Variants in FBN3 observed in about 807,000 individuals in gnomAD.
The protein encoded by FBN3 is fibrillin 3.
FBN3 carries 234 observed loss-of-function variants against 330.1 expected under a neutral mutation model. That is an observed-to-expected ratio of 0.71 (90% confidence interval 0.64 to 0.79). The LOEUF (loss-of-function observed/expected upper bound fraction) is 0.79, where lower values mean the gene tolerates loss of function less well. FBN3 is among the 30% of genes least tolerant of loss of function. The probability of loss-of-function intolerance (pLI) is 0.00; values close to 1 mark genes in which losing one functional copy is unlikely to be tolerated. For synonymous variants in FBN3, 1,458 were observed against 1,517.3 expected (o/e 0.96, Z 0.91); for missense variants, 3,606 against 3,886.9 (o/e 0.93, Z 1.92).
intron 6 of FBN3, among the ~76,000 whole-genome samples, chr19:8,143,213 C>T (rs570339555): frequency 4.6e-5 from 7 of 152,286 alleles, no homozygotes; most frequent in East Asian, 3.9e-4. Context: ...GGATCCTCAG[C>T]GGCACCCTGG....
chr19:8,080,079 T>G (rs945055554), intron 59 of FBN3, among the ~76,000 whole-genome samples: 1 of 152,246 alleles, frequency 6.6e-6, no homozygotes, highest in African/African-American at 2.4e-5. Flanking sequence ...GCCAATATAG[T>G]GCAAAAGCAG....
At chr19:8,082,360 T>C (rs2081814411) in intron 57 of FBN3, among the ~76,000 whole-genome samples, 1 of 121,000 alleles carries the variant, frequency 8.3e-6, no homozygotes, top group Non-Finnish European at 1.7e-5. Flanking sequence ...TCTCTCTCTC[T>C]TTCTTTTTTC....
At position 8,088,171 on chromosome 19, in the gene FBN3, C is replaced by T. The variant is rs770058274; in HGVS notation, c.6385G>A (p.Glu2129Lys). 5.6e-6 allele frequency: 9 copies of T among 1,599,994 alleles called. No individual in the cohort carries two copies. The highest frequency in any genetic ancestry group is 1.7e-5 in the Admixed American group (1 of 59,386). Reference protein sequence around the residue: ...FTGINCVDTDECSVGHPCGQG... With the variant: ...FTGINCVDTDKCSVGHPCGQG... Reference sequence around the variant, plus strand: ...CCACAGGGGTGGCCGACAGAGCACTCGTCTGTGTCTGGGTGGGAGTAAGGG... The same window carrying T: ...CCACAGGGGTGGCCGACAGAGCACTTGTCTGTGTCTGGGTGGGAGTAAGGG... Residue 2129 changes from glutamate to lysine, a missense_variant, in exon 52 of 64, where the codon GAG becomes AAG. Glu to Lys is a moderately conservative substitution (Grantham distance 56). Transcript: ENST00000600128.
intron 57 of FBN3, among the ~76,000 whole-genome samples, chr19:8,082,125 A>AT (rs565696938): frequency 1.8e-3 from 201 of 114,436 alleles, no homozygotes; most frequent in African/African-American, 5.0e-3. Context: ...CACCTGGCTA[A>AT]TTTTTTTTCT....
rs1054751749 is a variant in FBN3 at position 8,096,674 on chromosome 19, C to T, written c.5414-105G>A. The T allele has an allele frequency of 8.2e-6, 12 of 1,463,960 alleles. No individual in the cohort carries two copies. The highest frequency in any genetic ancestry group is 1.3e-5 in the South Asian group (1 of 76,410). 90.7% of individuals were successfully genotyped at this position (1,463,960 alleles called of 1,614,324 possible). A position where few individuals can be genotyped will look rare whatever the true frequency, so the allele number is the denominator to read the frequency against. The stretch of plus-strand genomic sequence containing the variant: ...CCAGAATCTGCCTTGAAGTTCCCCA[C>T]TCAAACTTCCACCAGGGGCGTCAGG... On this transcript the variant is annotated intron_variant, in intron 43 of 63. Coordinates refer to ENST00000600128, the MANE Select transcript of FBN3 (RefSeq NM_032447.5). The surrounding 1 kb of genome is among the most constrained non-coding windows in gnomAD (Gnocchi z 4.6).
In FBN3 at chr19:8,080,127, T is replaced by G. The variant is rs115270736; in HGVS notation, c.7453+876A>C. 2.2e-3 allele frequency among the ~76,000 whole-genome samples: 341 copies of G among 152,248 alleles called. 2 individuals carry two copies. The highest frequency in any genetic ancestry group is 7.4e-3 in the African/African-American group (306 of 41,526). ...GTAAGCAAGCGGGCTTGGCTGTGTG[T>G]CAATCAAACTTTATTAACAAAAGCA... On this transcript the variant is annotated intron_variant, in intron 59 of 63. Transcript: ENST00000600128.
chr19:8,079,611 TG>T (rs2081727115), intron 59 of FBN3, among the ~76,000 whole-genome samples: 1 of 151,958 alleles, frequency 6.6e-6, no homozygotes, highest in African/African-American at 2.4e-5. Flanking sequence ...TTTGTTTGTT[TG>T]TTTTCGAGAC....
At chr19:8,087,997 C>A in intron 52 of FBN3, 50 bp from the exon 53 acceptor site, 1 of 1,614,014 alleles carries the variant, frequency 6.2e-7, no homozygotes, top group South Asian at 1.1e-5. Context: ...AGGGCGGGAC[C>A]TCCACTCCCT....
intron 59 of FBN3, among the ~76,000 whole-genome samples, chr19:8,078,404 A>T (rs764013712): frequency 3.3e-5 from 5 of 152,172 alleles, no homozygotes; most frequent in South Asian, 2.1e-4. Flanking sequence ...AGCCCTTTGC[A>T]GAAAAAGTTT....
At position 8,131,807 on chromosome 19, in the gene FBN3, G is replaced by A. The variant is rs147188782; in HGVS notation, c.1737C>T (p.Pro579=). ...TACAGTGGCCGTTCACGCAGATGCC[G>A]GGCGTCTGGCACTCGTCAATGTCTG... is the stretch of plus-strand genomic sequence containing the variant. ...YCMDIDECQT[P]GICVNGHCTN... The change falls in exon 15 of 64, where the codon CCC becomes CCT. Residue 579 remains proline, a synonymous_variant. Transcript: ENST00000600128. This position sits in a 1 kb window ranked among gnomAD's most constrained non-coding sequence, Gnocchi z 4.5. 25 of 1,600,740 alleles carry A rather than the reference G, an allele frequency of 1.6e-5. No homozygotes were observed. Among genetic ancestry groups the A allele is most frequent in the African/African-American group, 1.3e-4 (10 of 74,832 alleles).
At chr19:8,134,841 G>A (rs2083241281) in intron 13 of FBN3, among the ~76,000 whole-genome samples, 1 of 151,692 alleles carries the variant, frequency 6.6e-6, no homozygotes, top group Non-Finnish European at 1.5e-5. Context: ...GGCTGAGGCA[G>A]GAGAATCACT....
chr19:8,119,044 G>T, intron 25 of FBN3, 22 bp from the exon 26 acceptor site: 3 of 1,585,010 alleles, frequency 1.9e-6, no homozygotes, highest in Non-Finnish European at 2.6e-6. Flanking sequence ...TGTGGAAAGA[G>T]AGAGCAGGCA....
At chr19:8,125,492 G>A (rs1467683263) in intron 22 of FBN3, among the ~76,000 whole-genome samples, 1 of 151,888 alleles carries the variant, frequency 6.6e-6, no homozygotes, top group Non-Finnish European at 1.5e-5. Context: ...AAGGATGCCT[G>A]AAATCTCTCC....
At position 8,102,152 on chromosome 19, in the gene FBN3, T is replaced by C. The variant is rs188354891; in HGVS notation, c.5089+572A>G. ...TTTGCTCCTCCTTCACCTTCTGCCA[T>C]GATTGTGAGGCCTTCCCAGTTATGT... On this transcript the variant is annotated intron_variant, in intron 40 of 63. Transcript: ENST00000600128. Among the ~76,000 whole-genome samples, 23 of 152,320 alleles carry C rather than the reference T, an allele frequency of 1.5e-4. No individual in the cohort carries two copies. The East Asian group carries it at 1.9e-3, about 13-fold the overall frequency.
Position 8,123,911 on chromosome 19 carries a change from G to A in FBN3, c.2829C>T (p.Ile943=), listed in dbSNP as rs752092000. ...KYRMDVCCCS[I]GAVWGVECEA... ...CGCACTCGACTCCCCACACGGCCCCGATGGAGCAGCAGCAGACGTCCATCC... is the reference window on the plus strand; with the variant it reads ...CGCACTCGACTCCCCACACGGCCCCAATGGAGCAGCAGCAGACGTCCATCC... Residue 943 remains isoleucine, a synonymous_variant, in exon 23 of 64, where the codon ATC becomes ATT. Transcript: ENST00000600128. The A allele has an allele frequency of 1.2e-5, 19 of 1,613,950 alleles. No individual in the cohort carries two copies. Among genetic ancestry groups the A allele is most frequent in the Admixed American group, 1.7e-5 (1 of 60,004 alleles).
chr19:8,145,984 C>G, intron 4 of FBN3, 46 bp from the exon 5 acceptor site: 2 of 1,520,376 alleles, frequency 1.3e-6, no homozygotes, highest in Non-Finnish European at 8.9e-7. Context: ...AGATGGGCCC[C>G]GAGATGCCCT....
chr19:8,138,231 T>C lies in FBN3; in HGVS notation c.1111A>G (p.Met371Val). ...CGCGCTGGCCCAAGAGGGGGACCCA[T>C]GCCATTGGATCCGAAGCCCAGGAGG... ...PGLLGFGSNG[M>V]GPPLGPARLN... Residue 371 changes from methionine to valine, a missense_variant, in exon 10 of 64, where the codon ATG becomes GTG. Physicochemically the swap from Met to Val is conservative, Grantham distance 21. Coordinates refer to ENST00000600128, the MANE Select transcript of FBN3 (RefSeq NM_032447.5). The C allele has an allele frequency of 6.2e-7, 1 of 1,611,862 alleles. No individual in the cohort carries two copies. The highest frequency in any genetic ancestry group is 1.3e-5 in the African/African-American group (1 of 74,912).
At position 8,089,686 on chromosome 19, in the gene FBN3, G is replaced by A. The variant is rs764537803; in HGVS notation, c.6251-16C>T. ...TCATTCACGTCTGCGGATGGCAGGC[G>A]TTGCAGACATGGCTTCTGTCACCAC... On this transcript the variant is annotated splice_polypyrimidine_tract_variant and intron_variant, in intron 50 of 63. Transcript: ENST00000600128. 6.8e-6 allele frequency: 11 copies of A among 1,613,412 alleles called. No homozygotes were observed. Among genetic ancestry groups the A allele is most frequent in the Admixed American group, 6.7e-5 (4 of 59,958 alleles).
rs775897428 is a variant in FBN3, at chr19:8,133,053, C to T, written c.1645G>A (p.Glu549Lys). The change falls in exon 14 of 64, where the codon GAG (glutamate) becomes AAG (lysine). Residue 549 changes from glutamate (E) to lysine (K), a missense_variant. By Grantham distance (56) the Glu-to-Lys change is moderately conservative (BLOSUM62 1). Transcript: ENST00000600128. ...TMCVNGVCLNEDGSFSCLCKP... is the reference protein window; with the variant it reads ...TMCVNGVCLNKDGSFSCLCKP... ...CAGAGGCAGGAGAAGCTGCCATCCT[C>T]GTTGAGACACACGCCGTTGACGCAC... The T allele has an allele frequency of 3.8e-6, 6 of 1,586,658 alleles. No homozygotes were observed. Among genetic ancestry groups the T allele is most frequent in the Non-Finnish European group, 5.1e-6 (6 of 1,167,994 alleles).
Sources: allele counts gnomAD v4.1 joint callset (sites outside exome capture counted in the v4.1 genomes callset), GRCh38; gene constraint gnomAD v4.1.1; non-coding constraint Gnocchi (gnomAD v3.1); transcripts MANE v1.5; gene names NCBI Gene and HGNC (gene_info 2026-07-23, HGNC 2026-07-21).